CYP2S1: variants seen among roughly 807,000 people sequenced by gnomAD.
CYP2S1 encodes cytochrome P450 family 2 subfamily S member 1.
Under a neutral mutation model 43.5 loss-of-function variants are expected in CYP2S1, and 32 were observed. That is an observed-to-expected ratio of 0.74 (90% confidence interval 0.56 to 0.99). The LOEUF (loss-of-function observed/expected upper bound fraction) is 0.99. Among genes scored for constraint, CYP2S1 ranks in the 50% least tolerant of loss-of-function variants. The pLI, the probability that CYP2S1 is intolerant of heterozygous loss-of-function variation, is 0.00. For missense variants in CYP2S1, 575 were observed against 673.9 expected (o/e 0.85, Z 1.62); for synonymous variants, 283 against 302.9 (o/e 0.93, Z 0.68).
intron 7 of CYP2S1, among the ~76,000 whole-genome samples, chr19:41,205,354 C>CTT (rs1273352563): frequency 1.9e-5 from 2 of 105,966 alleles, no homozygotes; most frequent in South Asian, 5.6e-4. Context: ...TTCTTTCTTT[C>CTT]TTTCTTTCTT....
rs773929588 is a variant in CYP2S1 at position 41,193,276 on chromosome 19, C to T, written c.12C>T (p.Thr4=). The T allele has an allele frequency of 9.1e-6, 14 of 1,540,734 alleles. No homozygotes were observed. In the African/African-American group the frequency reaches 1.9e-4, roughly 21 times the overall value. The change falls in exon 1 of 9, where the codon ACC becomes ACT. Residue 4 remains threonine, a synonymous_variant. Coordinates refer to ENST00000310054, the MANE Select transcript of CYP2S1 (RefSeq NM_030622.8). ...GCCGACCTGCCGAGATGGAGGCGACCGGCACCTGGGCGCTGCTGCTGGCGC... is the reference window on the plus strand; with the variant it reads ...GCCGACCTGCCGAGATGGAGGCGACTGGCACCTGGGCGCTGCTGCTGGCGC... MEA[T]GTWALLLALA... is the part of the protein sequence containing the mutation.
intron 2 of CYP2S1, among the ~76,000 whole-genome samples, chr19:41,196,829 G>A (rs1599712282): frequency 6.6e-6 from 1 of 152,152 alleles, no homozygotes; most frequent in East Asian, 1.9e-4. Flanking sequence ...ACAGGACCCA[G>A]TGGGACTCCA....
At chr19:41,197,126 C>T (rs982311946) in intron 2 of CYP2S1, among the ~76,000 whole-genome samples, 8 of 152,080 alleles carry the variant, frequency 5.3e-5, no homozygotes, top group Non-Finnish European at 1.5e-5. Context: ...ACCCGAGAGG[C>T]AGAGGTTGCG....
Position 41,194,418 on chromosome 19 carries a change from G to C in CYP2S1, c.178-126G>C, listed in dbSNP as rs956359151. On this transcript the variant is annotated intron_variant, in intron 1 of 8. Coordinates refer to ENST00000310054, the MANE Select transcript of CYP2S1 (RefSeq NM_030622.8). ...CCTCAGCTATTTCTGCTGGGATGGG[G>C]GCAGGTTCCTGGTAGAGGGCGTAGA... 54 of 1,251,962 alleles carry C rather than the reference G, an allele frequency of 4.3e-5. No individual in the cohort carries two copies. The African/African-American group carries it at 7.8e-4, about 18-fold the overall frequency. The allele number at this position is 1,251,962 out of a possible 1,614,324, so 77.6% of individuals were successfully genotyped here.
chr19:41,194,178 T>G (rs2033379144), intron 1 of CYP2S1, among the ~76,000 whole-genome samples: 1 of 151,960 alleles, frequency 6.6e-6, no homozygotes, highest in South Asian at 2.1e-4. Flanking sequence ...GCTCCAGAAT[T>G]TCAGGGTTTT....
rs1457174842 is a variant in CYP2S1 at position 41,193,345 on chromosome 19, G to C, written c.81G>C (p.Arg27Ser). 6.5e-7 allele frequency: 1 copy of C among 1,537,970 alleles called. No individual in the cohort carries two copies. The change falls in exon 1 of 9, where the codon AGG becomes AGC. Residue 27 changes from arginine (R) to serine (S), a missense_variant. Transcript: ENST00000310054. Reference sequence around the variant, plus strand: ...TGACGCTGGCGCTGTCCGGGACCAGGGCCCGAGGCCACCTGCCCCCCGGGC... The same window carrying C: ...TGACGCTGGCGCTGTCCGGGACCAGCGCCCGAGGCCACCTGCCCCCCGGGC... ...LLLTLALSGTRARGHLPPGPT... is the reference protein window; with the variant it reads ...LLLTLALSGTSARGHLPPGPT...
chr19:41,197,695 G>C (rs376354466), intron 2 of CYP2S1, 84 bp from the exon 3 acceptor site: 2 of 1,528,386 alleles, frequency 1.3e-6, no homozygotes, highest in South Asian at 1.2e-5. Context: ...GCGAGATTCC[G>C]TCTCAAAAAA....
chr19:41,195,004 T>C (rs929109977), intron 2 of CYP2S1, among the ~76,000 whole-genome samples: 1 of 152,142 alleles, frequency 6.6e-6, no homozygotes, highest in Non-Finnish European at 1.5e-5. Flanking sequence ...TAATCCCAGA[T>C]ACTTGGGAGG....
chr19:41,198,352 C>A lies in CYP2S1; in HGVS notation c.494-110C>A. 1 of 1,400,748 alleles carries A rather than the reference C, an allele frequency of 7.1e-7. No homozygotes were observed. The highest frequency in any genetic ancestry group is 9.8e-7 in the Non-Finnish European group (1 of 1,017,420). The allele number at this position is 1,400,748 out of a possible 1,614,324, so 86.8% of individuals were successfully genotyped here. A position where few individuals can be genotyped will look rare whatever the true frequency, so the allele number is the denominator to read the frequency against. Reference sequence around the variant, plus strand: ...CTGTTTAGCTCTCTCCCTGCGCTGTCCATCCATCTTTCCCTGCCTCCCTGT... The same window carrying A: ...CTGTTTAGCTCTCTCCCTGCGCTGTACATCCATCTTTCCCTGCCTCCCTGT... On this transcript the variant is annotated intron_variant, in intron 3 of 8. Transcript: ENST00000310054. The surrounding 1 kb of genome is among the most constrained non-coding windows in gnomAD (Gnocchi z 4.9).
chr19:41,199,002 T>C, intron 5 of CYP2S1, 114 bp downstream of exon 5: 1 of 1,293,064 alleles, frequency 7.7e-7, no homozygotes, highest in Non-Finnish European at 1.1e-6. Flanking sequence ...TCTCTCTGCA[T>C]GTCTCTGTGA....
chr19:41,205,481 TCCTTCCTCCCTTCCTC>T (rs201143770), intron 7 of CYP2S1, among the ~76,000 whole-genome samples: 2 of 150,278 alleles, frequency 1.3e-5, no homozygotes, highest in African/African-American at 2.5e-5. Context: ...CTTCCTTTCT[TCCTTCCTCCCTTCCTC>T]CCTTCCTCCC....
At chr19:41,205,398 T>TTCTTTCTTTC (rs1568402581) in intron 7 of CYP2S1, among the ~76,000 whole-genome samples, 2 of 78,000 alleles carry the variant, frequency 2.6e-5, no homozygotes, top group African/African-American at 1.3e-4. Flanking sequence ...CTCTCTTTCT[T>TTCTTTCTTTC]TCTCTCTTTC....
Position 41,194,735 on chromosome 19 carries a change from C to A in CYP2S1, c.343+26C>A, listed in dbSNP as rs370495846. The A allele has an allele frequency of 5.0e-6, 8 of 1,589,262 alleles. No homozygotes were observed. In the Admixed American group the frequency reaches 1.1e-4, roughly 22 times the overall value. On this transcript the variant is annotated intron_variant, in intron 2 of 8. Coordinates refer to ENST00000310054, the MANE Select transcript of CYP2S1 (RefSeq NM_030622.8). ...GTAAGTCAAGGGCTGCTAGGCCCTC[C>A]GCTCACAGCCTGCCACCACTTACTG...
chr19:41,200,435 C>T (rs943463012), intron 5 of CYP2S1, among the ~76,000 whole-genome samples: 2 of 151,912 alleles, frequency 1.3e-5, no homozygotes, highest in Admixed American at 6.6e-5. Flanking sequence ...TGCGGTGGCT[C>T]GATCTCGGCT....
chr19:41,198,750 C>A lies in CYP2S1; in HGVS notation c.696C>A (p.Gly232=), dbSNP rs375726133. The change falls in exon 5 of 9, where the codon GGC becomes GGA. Residue 232 remains glycine, a synonymous_variant. Coordinates refer to ENST00000310054, the MANE Select transcript of CYP2S1 (RefSeq NM_030622.8). This position sits in a 1 kb window ranked among gnomAD's most constrained non-coding sequence, Gnocchi z 4.9. ...CCTGGTTCCTGCGGCCCCTGCCAGG[C>A]CCCCACAAGCAGCTCCTCCACCACG... The part of the protein sequence containing the change: ...MFSWFLRPLP[G]PHKQLLHHVS... 12 of 1,614,066 alleles carry A rather than the reference C, an allele frequency of 7.4e-6. No individual in the cohort carries two copies. Among genetic ancestry groups the A allele is most frequent in the Middle Eastern group, 1.6e-4 (1 of 6,082 alleles).
chr19:41,205,955 C>T lies in CYP2S1; in HGVS notation c.1165-3C>T, dbSNP rs200742173. The T allele has an allele frequency of 6.8e-6, 11 of 1,613,152 alleles. No homozygotes were observed. Among genetic ancestry groups the T allele is most frequent in the South Asian group, 1.1e-5 (1 of 91,026 alleles). On this transcript the variant is annotated splice_region_variant and splice_polypyrimidine_tract_variant and intron_variant, in intron 7 of 8. Transcript: ENST00000310054. ...TTATAGTTTCATTATTATTTCCCCT[C>T]AGGGCACGGAGGTCTTCCCCCTCCT... is the stretch of plus-strand genomic sequence containing the variant.
rs568806591 is a variant in CYP2S1, at chr19:41,193,358, C to T, written c.94C>T (p.Leu32=). The change falls in exon 1 of 9, where the codon CTG becomes TTG. Residue 32 remains leucine (L), a synonymous_variant. Coordinates refer to ENST00000310054, the MANE Select transcript of CYP2S1 (RefSeq NM_030622.8). ...ALSGTRARGH[L]PPGPTPLPLL... ...GTCCGGGACCAGGGCCCGAGGCCAC[C>T]TGCCCCCCGGGCCCACGCCGCTACC... The T allele has an allele frequency of 8.0e-5, 122 of 1,533,638 alleles. No homozygotes were observed. The South Asian group carries it at 1.4e-3, about 17-fold the overall frequency.
chr19:41,194,714 G>T lies in CYP2S1; in HGVS notation c.343+5G>T. The stretch of plus-strand genomic sequence containing the variant: ...AAGGGACTTTTGATGGCCATGGTAA[G>T]TCAAGGGCTGCTAGGCCCTCCGCTC... On this transcript the variant is annotated splice_donor_5th_base_variant and intron_variant, in intron 2 of 8. Transcript: ENST00000310054. 1 of 1,608,220 alleles carries T rather than the reference G, an allele frequency of 6.2e-7. No individual in the cohort carries two copies. Among genetic ancestry groups the T allele is most frequent in the Non-Finnish European group, 8.5e-7 (1 of 1,177,938 alleles).
chr19:41,200,219 G>A (rs937384302), intron 5 of CYP2S1, among the ~76,000 whole-genome samples: 4 of 151,788 alleles, frequency 2.6e-5, no homozygotes, highest in African/African-American at 9.7e-5. Context: ...TACACATAAC[G>A]TTTACCATCT....
Sources: gnomAD v4.1 joint callset for allele counts (sites outside exome capture counted in the v4.1 genomes callset) on GRCh38, gnomAD v4.1.1 for gene constraint, Gnocchi (gnomAD v3.1) non-coding constraint, MANE v1.5 for transcripts, NCBI Gene and HGNC (gene_info 2026-07-23, HGNC 2026-07-21) for gene names.